Variants in CNBD1 observed in about 807,000 individuals in gnomAD.
CNBD1 encodes the protein cyclic nucleotide-binding domain-containing protein 1.
A neutral mutation model predicts 54.4 loss-of-function variants in CNBD1; 71 were observed. The ratio of observed to expected loss-of-function variants is 1.30; its 90% CI spans 1.08 to 1.59. CNBD1 has a LOEUF of 1.59. Among genes scored for constraint, CNBD1 ranks in the 40% most tolerant of loss-of-function variants. The probability of loss-of-function intolerance (pLI) is 0.00; values close to 1 mark genes in which losing one functional copy is unlikely to be tolerated. For synonymous variants in CNBD1, 182 were observed against 170.7 expected (o/e 1.07, Z -0.51); for missense variants, 659 against 518.0 (o/e 1.27, Z -2.64).
intron 4 of CNBD1, among the ~76,000 whole-genome samples, chr8:87,014,373 C>T (rs1809308941): frequency 6.6e-6 from 1 of 151,544 alleles, no homozygotes. Flanking sequence ...AAAACCCAGC[C>T]CAAGACAGAA....
chr8:87,128,577 C>T (rs1466854377), intron 4 of CNBD1, among the ~76,000 whole-genome samples: 1 of 152,112 alleles, frequency 6.6e-6, no homozygotes, highest in Non-Finnish European at 1.5e-5. Flanking sequence ...AAGTTTTGAA[C>T]TGTGATGGAT....
chr8:87,388,478 C>T (rs1277661369), intron 2 of CNBD1, among the ~76,000 whole-genome samples: 22 of 152,084 alleles, frequency 1.4e-4, no homozygotes, highest in South Asian at 2.1e-4. Context: ...AACACCTCTA[C>T]GCAAATAAAC....
intron 4 of CNBD1, among the ~76,000 whole-genome samples, chr8:87,155,887 C>A (rs1476307178): frequency 6.6e-6 from 1 of 152,086 alleles, no homozygotes; most frequent in Non-Finnish European, 1.5e-5. Flanking sequence ...TATGTACCAG[C>A]ATTACATTAA....
At chr8:86,874,986 T>TTATATATATA (rs10584669) in intron 1 of CNBD1, among the ~76,000 whole-genome samples, 2,634 of 119,582 alleles carry the variant, frequency 0.022, 61 homozygotes, top group African/African-American at 0.031. Context: ...GTAAATCAAT[T>TTATATATATA]TATATATATA....
intron 10 of CNBD1, among the ~76,000 whole-genome samples, chr8:87,364,645 C>A (rs1390578615): frequency 2.6e-5 from 4 of 151,782 alleles, no homozygotes; most frequent in Non-Finnish European, 1.5e-5. Flanking sequence ...TCTCTTCCCA[C>A]CCTCCCCCTC....
chr8:86,918,203 T>C (rs527260742), intron 3 of CNBD1, among the ~76,000 whole-genome samples: 155 of 152,244 alleles, frequency 1.0e-3, no homozygotes, highest in African/African-American at 3.2e-3. Context: ...GGTTGTAGCA[T>C]AGTTAGCACG....
chr8:87,417,959 G>A (rs764165643), intron 2 of CNBD1, among the ~76,000 whole-genome samples: 1 of 151,914 alleles, frequency 6.6e-6, no homozygotes, highest in East Asian at 1.9e-4. Flanking sequence ...ATTTACTATT[G>A]TTAAGATGGC....
At chr8:87,238,120 C>T (rs1332491512) in intron 6 of CNBD1, among the ~76,000 whole-genome samples, 1 of 144,098 alleles carries the variant, frequency 6.9e-6, no homozygotes, top group Non-Finnish European at 1.5e-5. Context: ...TGATGGGAAT[C>T]ACCAGATCTG....
chr8:87,392,261 C>T (rs1189682863), intron 2 of CNBD1, among the ~76,000 whole-genome samples: 1 of 151,968 alleles, frequency 6.6e-6, no homozygotes, highest in Non-Finnish European at 1.5e-5. Flanking sequence ...TCCACAAGTT[C>T]AACATATATT....
At chr8:87,241,965 T>C (rs911276114) in intron 6 of CNBD1, among the ~76,000 whole-genome samples, 34 of 152,248 alleles carry the variant, frequency 2.2e-4, no homozygotes, top group African/African-American at 7.9e-4. Flanking sequence ...AATAGACCCC[T>C]CGTCTTAGCC....
intron 4 of CNBD1, among the ~76,000 whole-genome samples, chr8:87,027,912 A>G (rs1809688125): frequency 6.6e-6 from 1 of 152,220 alleles, no homozygotes; most frequent in South Asian, 2.1e-4. Flanking sequence ...AACAGTCGGT[A>G]TGCTTCCTCT....
chr8:87,195,201 G>A (rs894866166), intron 4 of CNBD1, among the ~76,000 whole-genome samples: 2 of 141,898 alleles, frequency 1.4e-5, no homozygotes, highest in Non-Finnish European at 3.1e-5. Context: ...ATTTTTTAGT[G>A]TTTTAATTTC....
intron 4 of CNBD1, among the ~76,000 whole-genome samples, chr8:87,093,676 G>A (rs1204569359): frequency 1.3e-5 from 2 of 152,090 alleles, no homozygotes; most frequent in African/African-American, 4.8e-5. Context: ...ATGACAGAGA[G>A]GATCTATTCT....
chr8:87,046,653 G>A (rs1334814088), intron 4 of CNBD1, among the ~76,000 whole-genome samples: 1 of 152,100 alleles, frequency 6.6e-6, no homozygotes, highest in African/African-American at 2.4e-5. Context: ...TCATAAAGAG[G>A]TTCCCCTTAT....
chr8:87,252,490 A>C (rs551750932), intron 6 of CNBD1, among the ~76,000 whole-genome samples: 1 of 152,312 alleles, frequency 6.6e-6, no homozygotes, highest in South Asian at 2.1e-4. Flanking sequence ...GAATAAATTA[A>C]TTAAAACACA....
chr8:87,318,763 T>C (rs1307426798), intron 8 of CNBD1, among the ~76,000 whole-genome samples: 3 of 152,056 alleles, frequency 2.0e-5, no homozygotes, highest in Admixed American at 6.6e-5. Context: ...AATTTCAAAA[T>C]ATATATTGTA....
intron 6 of CNBD1, among the ~76,000 whole-genome samples, chr8:87,245,469 C>T (rs1449906153): frequency 1.0e-4 from 2 of 19,680 alleles, no homozygotes; most frequent in African/African-American, 8.1e-4. Flanking sequence ...TGTTTCTTTA[C>T]ATCTTCCCAT....
intron 10 of CNBD1, among the ~76,000 whole-genome samples, chr8:87,365,090 C>T (rs528507150): frequency 9.2e-5 from 14 of 152,038 alleles, no homozygotes; most frequent in African/African-American, 3.4e-4. Context: ...AATGGTTGAA[C>T]CTAATTTACA....
At chr8:87,082,421 ACT>A (rs1811015244) in intron 4 of CNBD1, among the ~76,000 whole-genome samples, 2 of 152,112 alleles carry the variant, frequency 1.3e-5, no homozygotes, top group Non-Finnish European at 1.5e-5. Context: ...CTGTTGGTGG[ACT>A]CTCTTCACAG....
Sources: allele counts gnomAD v4.1 joint callset (sites outside exome capture counted in the v4.1 genomes callset), GRCh38; gene constraint gnomAD v4.1.1; transcripts MANE v1.5; gene names NCBI Gene and HGNC (gene_info 2026-07-23, HGNC 2026-07-21).